Variants in IQSEC1 observed in about 807,000 individuals in gnomAD.
IQSEC1 encodes the protein IQ motif and Sec7 domain ArfGEF 1, also known as IQ motif and SEC7 domain-containing protein 1.
Under a neutral mutation model 91.0 loss-of-function variants are expected in IQSEC1, and 31 were observed. The observed-to-expected ratio is 0.34, with a 90% CI of 0.26 to 0.46. The LOEUF (loss-of-function observed/expected upper bound fraction) is 0.46. Among genes scored for constraint, IQSEC1 ranks in the 20% least tolerant of loss-of-function variants. The pLI is 1.00. For synonymous variants in IQSEC1, 699 were observed against 662.6 expected, an observed-to-expected ratio of 1.05 and a Z score of -0.84; for missense variants, 1,388 against 1,575.6, an observed-to-expected ratio of 0.88 and a Z score of 2.02.
At chr3:13,019,332 G>A (rs1703293266) in intron 1 of IQSEC1, among the ~76,000 whole-genome samples, 1 of 152,210 alleles carries the variant, frequency 6.6e-6, no homozygotes, top group African/African-American at 2.4e-5. Flanking sequence ...GCGCACAGCT[G>A]CTCCACACAC....
At chr3:13,053,125 C>A in intron 1 of IQSEC1, 1 of 833,456 alleles carries the variant, frequency 1.2e-6, no homozygotes, top group South Asian at 1.3e-5. Context: ...GAAGACATGG[C>A]GAGAAGCGGA....
intron 1 of IQSEC1, among the ~76,000 whole-genome samples, chr3:13,256,953 GC>G (rs1200650957): frequency 6.6e-6 from 1 of 152,100 alleles, no homozygotes. Context: ...CTGGAGCTCT[GC>G]CCCATATCCC....
chr3:13,218,314 C>T (rs1050297103), intron 1 of IQSEC1, among the ~76,000 whole-genome samples: 5 of 152,200 alleles, frequency 3.3e-5, no homozygotes, highest in Non-Finnish European at 7.3e-5. Flanking sequence ...CCATTAGTCC[C>T]CAGGGTCTGG....
intron 1 of IQSEC1, among the ~76,000 whole-genome samples, chr3:13,280,579 G>C (rs1396780788): frequency 6.6e-6 from 1 of 152,174 alleles, no homozygotes; most frequent in Non-Finnish European, 1.5e-5. Context: ...ATCTTGAAGG[G>C]AACCCACCCA....
chr3:13,219,207 T>C (rs1299846196), intron 1 of IQSEC1, among the ~76,000 whole-genome samples: 3 of 152,178 alleles, frequency 2.0e-5, no homozygotes, highest in Non-Finnish European at 4.4e-5. Context: ...CAGCAGGCCC[T>C]GGCTGAGCCA....
chr3:13,135,411 C>T (rs1259033368), intron 2 of IQSEC1, among the ~76,000 whole-genome samples: 1 of 152,242 alleles, frequency 6.6e-6, no homozygotes, highest in Admixed American at 6.5e-5. Context: ...GTGCCTGCTA[C>T]TGCTACACGG....
intron 2 of IQSEC1, among the ~76,000 whole-genome samples, chr3:12,936,985 T>G (rs923031149): frequency 2.0e-5 from 3 of 151,138 alleles, no homozygotes; most frequent in South Asian, 2.1e-4. Flanking sequence ...TAGGCTGGAG[T>G]GCAATGGCAC....
At position 12,897,326 on chromosome 3, in the gene IQSEC1, A is replaced by ACTCCTTT. The variant is rs1303572885; in HGVS notation, c.*3650_*3656dup. The ACTCCTTT allele has an allele frequency of 6.6e-6, 1 of 152,036 alleles. No homozygotes were observed. The highest frequency in any genetic ancestry group is 1.5e-5 in the Non-Finnish European group (1 of 68,010). The allele number at this position is 152,036 out of a possible 1,614,324, so 9.4% of individuals were successfully genotyped here. A position where few individuals can be genotyped will look rare whatever the true frequency, so the allele number is the denominator to read the frequency against. On this transcript the variant is annotated 3_prime_UTR_variant, in exon 14 of 14. Coordinates refer to ENST00000613206, the MANE Select transcript of IQSEC1 (RefSeq NM_001134382.3). ...ACAGAATGCAGATGAAAACAAACGC[A>ACTCCTTT]CTCCTTTCCTCTCAAAGGTACACAG...
At chr3:13,012,412 G>A (rs771330308) in intron 1 of IQSEC1, among the ~76,000 whole-genome samples, 3 of 152,156 alleles carry the variant, frequency 2.0e-5, no homozygotes, top group Non-Finnish European at 4.4e-5. Context: ...CCCTCCTCTG[G>A]GCTCCCACAG....
chr3:13,130,213 G>A (rs182491204), intron 2 of IQSEC1, among the ~76,000 whole-genome samples: 95 of 151,122 alleles, frequency 6.3e-4, no homozygotes, highest in African/African-American at 2.1e-3. Context: ...GTGTGGTGGC[G>A]CGCGCCTGTA....
At chr3:13,015,727 C>T (rs1703094608) in intron 1 of IQSEC1, 2 of 985,324 alleles carry the variant, frequency 2.0e-6, no homozygotes, top group African/African-American at 1.7e-5. Context: ...GGAAACCACA[C>T]CCAGGGGAGA....
chr3:13,078,561 C>T (rs79771201), intron 2 of IQSEC1, among the ~76,000 whole-genome samples: 1 of 152,146 alleles, frequency 6.6e-6, no homozygotes, highest in East Asian at 1.9e-4. Context: ...AAGGGGACCC[C>T]ACTGCAGCCC....
intron 2 of IQSEC1, among the ~76,000 whole-genome samples, chr3:13,152,965 G>A (rs1477781672): frequency 6.6e-6 from 1 of 152,076 alleles, no homozygotes; most frequent in Non-Finnish European, 1.5e-5. Flanking sequence ...AGCAAGTCCT[G>A]TAGGGGCACC....
In IQSEC1 at chr3:12,899,270, C is replaced by G. The variant is rs919813345; in HGVS notation, c.*1713G>C. 3.2e-5 allele frequency: 37 copies of G among 1,147,874 alleles called. No individual in the cohort carries two copies. The highest frequency in any genetic ancestry group is 4.0e-5 in the Non-Finnish European group (32 of 796,996). 71.1% of individuals were successfully genotyped at this position (1,147,874 alleles called of 1,614,324 possible). A position where few individuals can be genotyped will look rare whatever the true frequency, so the allele number is the denominator to read the frequency against. On this transcript the variant is annotated 3_prime_UTR_variant, in exon 14 of 14. Transcript: ENST00000613206. ...CTCCTCCTGCCGTCCGGCCACGGCT[C>G]ACCACGCTGTCCACTGGGAACGCGG...
At chr3:13,180,141 C>T (rs1026997236) in intron 1 of IQSEC1, among the ~76,000 whole-genome samples, 3 of 152,368 alleles carry the variant, frequency 2.0e-5, no homozygotes, top group East Asian at 3.9e-4. Context: ...CACCTGCCGC[C>T]CCAGTGCGGA....
intron 1 of IQSEC1, among the ~76,000 whole-genome samples, chr3:13,050,547 G>A (rs1704657037): frequency 6.6e-6 from 1 of 152,234 alleles, no homozygotes; most frequent in Non-Finnish European, 1.5e-5. Context: ...ATAGACTAGT[G>A]TATGTTGAGA....
At chr3:12,969,585 C>T (rs977940693) in intron 1 of IQSEC1, among the ~76,000 whole-genome samples, 3 of 152,172 alleles carry the variant, frequency 2.0e-5, no homozygotes, top group Admixed American at 2.0e-4. Context: ...GCAGAAAACT[C>T]CCACCCCTGT....
intron 2 of IQSEC1, among the ~76,000 whole-genome samples, chr3:13,102,256 T>G (rs1706078457): frequency 6.6e-6 from 1 of 152,076 alleles, no homozygotes. Flanking sequence ...GACTCCAGCC[T>G]GGGTGATGGA....
chr3:12,972,311 C>CA (rs74793787), intron 1 of IQSEC1, among the ~76,000 whole-genome samples: 122 of 140,874 alleles, frequency 8.7e-4, no homozygotes, highest in African/African-American at 2.1e-3. Context: ...GATCCTGTCA[C>CA]AAAAAAAAAA....
Sources: allele counts gnomAD v4.1 joint callset (sites outside exome capture counted in the v4.1 genomes callset), GRCh38; gene constraint gnomAD v4.1.1; transcripts MANE v1.5; gene names NCBI Gene and HGNC (gene_info 2026-07-23, HGNC 2026-07-21).